NCKAP5: variants seen among roughly 807,000 people sequenced by gnomAD.
NCKAP5 encodes the protein nck-associated protein 5.
A neutral mutation model predicts 167.0 loss-of-function variants in NCKAP5; 92 were observed. That is an observed-to-expected ratio of 0.55 (90% CI 0.47 to 0.66). The LOEUF is 0.66. Among genes scored for constraint, NCKAP5 ranks in the 30% least tolerant of loss-of-function variants. The pLI, the probability that NCKAP5 is intolerant of heterozygous loss-of-function variation, is 0.00. For missense variants in NCKAP5, 2,378 were observed against 2,315.0 expected (o/e 1.03, Z -0.56); for synonymous variants, 891 against 877.4 (o/e 1.02, Z -0.27).
intron 8 of NCKAP5, among the ~76,000 whole-genome samples, chr2:132,921,977 G>T (rs1272571968): frequency 6.6e-6 from 1 of 152,172 alleles, no homozygotes; most frequent in Non-Finnish European, 1.5e-5. Flanking sequence ...ATGACTGCGA[G>T]CCCAAGATGT....
intron 3 of NCKAP5, among the ~76,000 whole-genome samples, chr2:133,329,986 G>A (rs573182718): frequency 1.4e-5 from 2 of 144,356 alleles, no homozygotes; most frequent in Middle Eastern, 7.3e-3. Context: ...CACTATGAAA[G>A]ATAAAGAGTA....
chr2:132,697,173 C>CT (rs1687411990), intron 19 of NCKAP5, among the ~76,000 whole-genome samples: 1 of 56 alleles, frequency 0.018, no homozygotes, highest in African/African-American at 0.083. Flanking sequence ...CAGGCATGGG[C>CT]ACTGCGCCGG....
At chr2:133,549,356 C>T (rs1192413742) in intron 2 of NCKAP5, among the ~76,000 whole-genome samples, 2 of 149,298 alleles carry the variant, frequency 1.3e-5, no homozygotes, top group African/African-American at 5.0e-5. Flanking sequence ...TAAAGCTCTC[C>T]TCAGCAAATG....
At chr2:133,585,493 C>T in the NCKAP5 span, among the ~76,000 whole-genome samples, 2 of 152,154 alleles carry the variant, frequency 1.3e-5, no homozygotes, top group Admixed American at 6.5e-5. Flanking sequence ...TTGGTTGAGT[C>T]GGGAATGCAG....
At chr2:132,774,526 G>T (rs7603615) in intron 15 of NCKAP5, among the ~76,000 whole-genome samples, 14,432 of 151,872 alleles carry the variant, frequency 0.095, 1,549 homozygotes, top group African/African-American at 0.25. Flanking sequence ...CAGTTGGAAG[G>T]CCCAGGCACT....
intron 16 of NCKAP5, among the ~76,000 whole-genome samples, chr2:132,762,998 T>C (rs1681145099): frequency 6.6e-6 from 1 of 152,214 alleles, no homozygotes; most frequent in Non-Finnish European, 1.5e-5. Context: ...TTGTCTATCC[T>C]TTCATATGAA....
rs533348624 is a variant in NCKAP5 at position 133,063,687 on chromosome 2, C to T, written c.341+66291G>A. The stretch of plus-strand genomic sequence containing the variant: ...ATTTTAACTCACATTTGCCCTTATA[C>T]CCAGGGAGGCCTCTGCAGCTTAACT... On this transcript the variant is annotated intron_variant, in intron 6 of 19. Transcript: ENST00000409261. Among the ~76,000 whole-genome samples the T allele has an allele frequency of 2.6e-5, 4 of 152,232 alleles. No homozygotes were observed. The East Asian group carries it at 5.8e-4, about 22-fold the overall frequency.
intron 5 of NCKAP5, among the ~76,000 whole-genome samples, chr2:133,186,559 C>T (rs750587653): frequency 4.6e-5 from 7 of 152,004 alleles, no homozygotes; most frequent in African/African-American, 1.2e-4. Context: ...TGGTAGAATT[C>T]GGCTATGACT....
chr2:133,324,177 A>T (rs1269795627), intron 3 of NCKAP5, among the ~76,000 whole-genome samples: 1 of 152,240 alleles, frequency 6.6e-6, no homozygotes, highest in Non-Finnish European at 1.5e-5. Flanking sequence ...CACAAGCCAG[A>T]ACTGGATGAG....
At chr2:133,324,968 A>G (rs1242035811) in intron 3 of NCKAP5, among the ~76,000 whole-genome samples, 1 of 152,152 alleles carries the variant, frequency 6.6e-6, no homozygotes, top group Non-Finnish European at 1.5e-5. Flanking sequence ...TTGACCTCCT[A>G]AAGTGCTGGG....
At chr2:133,115,755 T>C (rs2082051193) in intron 6 of NCKAP5, among the ~76,000 whole-genome samples, 1 of 123,236 alleles carries the variant, frequency 8.1e-6, no homozygotes, top group African/African-American at 3.0e-5. Context: ...GGAGGTAAAT[T>C]GAAGTATATA....
chr2:133,548,602 C>A (rs1686973192), intron 2 of NCKAP5, among the ~76,000 whole-genome samples: 2 of 151,900 alleles, frequency 1.3e-5, no homozygotes, highest in African/African-American at 2.4e-5. Context: ...GAATTTTCAA[C>A]CCAGAATTTC....
intron 6 of NCKAP5, among the ~76,000 whole-genome samples, chr2:133,085,859 C>G (rs1472357230): frequency 1.3e-5 from 2 of 152,112 alleles, no homozygotes; most frequent in African/African-American, 4.8e-5. Context: ...ACTCCCTACC[C>G]TGGGGACAAG....
At chr2:132,886,116 G>A (rs1477044225) in intron 8 of NCKAP5, among the ~76,000 whole-genome samples, 1 of 152,160 alleles carries the variant, frequency 6.6e-6, no homozygotes, top group Non-Finnish European at 1.5e-5. Context: ...CTCAGTTTTG[G>A]TGGTCTGGCT....
chr2:133,465,710 G>T (rs1014010782), intron 3 of NCKAP5, among the ~76,000 whole-genome samples: 1 of 152,222 alleles, frequency 6.6e-6, no homozygotes, highest in East Asian at 1.9e-4. Flanking sequence ...TCTAACTGGT[G>T]TGAGATGGTA....
At chr2:133,015,965 A>G (rs1202715560) in intron 6 of NCKAP5, among the ~76,000 whole-genome samples, 2 of 152,186 alleles carry the variant, frequency 1.3e-5, no homozygotes, top group African/African-American at 4.8e-5. Flanking sequence ...TGTCCAACAA[A>G]AACAGCAGGT....
chr2:133,243,165 C>T (rs1437633616), intron 4 of NCKAP5, among the ~76,000 whole-genome samples: 1 of 152,074 alleles, frequency 6.6e-6, no homozygotes, highest in Non-Finnish European at 1.5e-5. Context: ...TTAAGTGCAA[C>T]CCCCATTTTT....
the NCKAP5 span, among the ~76,000 whole-genome samples, chr2:133,637,432 A>C: frequency 1.4e-5 from 2 of 147,758 alleles, no homozygotes; most frequent in Non-Finnish European, 3.0e-5. Context: ...AGAAATAAAA[A>C]TCACAAGAGT....
intron 2 of NCKAP5, among the ~76,000 whole-genome samples, chr2:133,536,835 T>G (rs1425422068): frequency 6.6e-6 from 1 of 152,062 alleles, no homozygotes; most frequent in Non-Finnish European, 1.5e-5. Flanking sequence ...CTATCTGTTT[T>G]TTTATTGTTG....
Sources: gnomAD v4.1 joint callset for allele counts (sites outside exome capture counted in the v4.1 genomes callset) on GRCh38, gnomAD v4.1.1 for gene constraint, MANE v1.5 for transcripts, NCBI Gene and HGNC (gene_info 2026-07-23, HGNC 2026-07-21) for gene names.